CARNMT1: variants seen among roughly 807,000 people sequenced by gnomAD.
The protein encoded by CARNMT1 is protein-L-histidine N-pros-methyltransferase CARNMT1.
CARNMT1 carries 28 observed loss-of-function variants against 49.6 expected under a neutral mutation model. The observed-to-expected ratio is 0.56, with a 90% CI of 0.42 to 0.77. The LOEUF is 0.77. Ranked by LOEUF, CARNMT1 falls within the 30% of genes least tolerant of loss-of-function variation. CARNMT1 has a pLI of 0.00. For missense variants in CARNMT1, 421 were observed against 512.6 expected (o/e 0.82, Z 1.73); for synonymous variants, 178 against 175.0 (o/e 1.02, Z -0.13).
intron 6 of CARNMT1, among the ~76,000 whole-genome samples, chr9:74,987,383 A>C (rs1342776463): frequency 6.6e-6 from 1 of 152,214 alleles, no homozygotes; most frequent in African/African-American, 2.4e-5. Flanking sequence ...GGAATAACCC[A>C]AACGTCCACC....
At chr9:74,991,753 G>A (rs1247154896) in intron 6 of CARNMT1, 3 of 151,980 alleles carry the variant, frequency 2.0e-5, no homozygotes, top group African/African-American at 4.8e-5. Context: ...ACAGCACCTC[G>A]TTTTCCAGAG....
In CARNMT1 at chr9:75,014,451, TTGAATA is replaced by T. The variant is rs1449270686; in HGVS notation, c.590+1811_590+1816del. 3.3e-5 allele frequency among the ~76,000 whole-genome samples: 5 copies of T among 152,174 alleles called. No homozygotes were observed. The East Asian group carries it at 9.6e-4, about 29-fold the overall frequency. ...TATGAACCACAGTAAATTATGAAAC[TTGAATA>T]TAGACTGTAAATTACCTAACAGTAT... On this transcript the variant is annotated intron_variant, in intron 3 of 7. Coordinates refer to ENST00000376834, the MANE Select transcript of CARNMT1 (RefSeq NM_152420.3).
chr9:75,004,908 A>G (rs1388013822), intron 3 of CARNMT1, among the ~76,000 whole-genome samples: 1 of 152,236 alleles, frequency 6.6e-6, no homozygotes, highest in African/African-American at 2.4e-5. Flanking sequence ...TAAAAAATAT[A>G]GTCCAGCAAC....
At position 74,994,915 on chromosome 9, in the gene CARNMT1, C is replaced by A. The variant is rs114840049; in HGVS notation, c.1024+1532G>T. ...TGTTAACCAACATGCTCCATTACTT[C>A]TGATGCCCATGACAGATCATAAGTC... is the stretch of plus-strand genomic sequence containing the variant. On this transcript the variant is annotated intron_variant, in intron 6 of 7. Coordinates refer to ENST00000376834, the MANE Select transcript of CARNMT1 (RefSeq NM_152420.3). Among the ~76,000 whole-genome samples, 1,310 of 152,252 alleles carry A rather than the reference C, an allele frequency of 8.6e-3. 15 individuals are homozygous for A. The highest frequency in any genetic ancestry group is 0.03 in the African/African-American group (1,228 of 41,552).
At chr9:74,996,917 T>C (rs1010757382) in intron 5 of CARNMT1, among the ~76,000 whole-genome samples, 2 of 152,228 alleles carry the variant, frequency 1.3e-5, no homozygotes, top group African/African-American at 4.8e-5. Context: ...TCATTCAAAT[T>C]TAAACTAGTG....
chr9:75,027,948 C>G (rs1416998881), intron 1 of CARNMT1, 64 bp downstream of exon 1: 8 of 1,470,378 alleles, frequency 5.4e-6, no homozygotes, highest in Admixed American at 2.6e-5. Flanking sequence ...CCCGTTCCGG[C>G]GGGTCCGCCG....
intron 6 of CARNMT1, among the ~76,000 whole-genome samples, chr9:74,986,647 T>C (rs757519772): frequency 6.6e-6 from 1 of 152,216 alleles, no homozygotes; most frequent in Non-Finnish European, 1.5e-5. Flanking sequence ...GATTTTTACA[T>C]ACTTAGACCA....
intron 3 of CARNMT1, among the ~76,000 whole-genome samples, chr9:75,008,829 T>C (rs1833597231): frequency 6.6e-6 from 1 of 152,076 alleles, no homozygotes; most frequent in South Asian, 2.1e-4. Context: ...AAACCTGAAA[T>C]TCACAAGAAT....
At chr9:75,024,059 G>T (rs1054363381) in intron 1 of CARNMT1, among the ~76,000 whole-genome samples, 6 of 152,130 alleles carry the variant, frequency 3.9e-5, no homozygotes, top group African/African-American at 2.4e-5. Context: ...TGTCAGCAGT[G>T]ACCTCAACTC....
At chr9:75,011,269 C>T (rs1020930962) in intron 3 of CARNMT1, among the ~76,000 whole-genome samples, 2 of 152,152 alleles carry the variant, frequency 1.3e-5, no homozygotes, top group African/African-American at 4.8e-5. Context: ...GGCAGACAGA[C>T]CCTGTAGTGG....
At chr9:75,002,503 C>G (rs888463915) in intron 3 of CARNMT1, among the ~76,000 whole-genome samples, 2 of 151,990 alleles carry the variant, frequency 1.3e-5, no homozygotes, top group Admixed American at 1.3e-4. Flanking sequence ...AAATGAACAC[C>G]AAATTTAAAG....
At chr9:74,984,319 C>T (rs201854380) in intron 7 of CARNMT1, among the ~76,000 whole-genome samples, 2 of 152,132 alleles carry the variant, frequency 1.3e-5, no homozygotes, top group East Asian at 3.9e-4. Context: ...TTCCCCAGAG[C>T]CTACTCTACT....
At chr9:74,987,604 GACAGC>G (rs1309130920) in intron 6 of CARNMT1, among the ~76,000 whole-genome samples, 1 of 152,098 alleles carries the variant, frequency 6.6e-6, no homozygotes, top group African/African-American at 2.4e-5. Flanking sequence ...CCAAAGTAGT[GACAGC>G]ATGGTATTAG....
chr9:75,008,947 A>T (rs952425324), intron 3 of CARNMT1, among the ~76,000 whole-genome samples: 2 of 152,208 alleles, frequency 1.3e-5, no homozygotes, highest in South Asian at 2.1e-4. Flanking sequence ...TTATGGCATA[A>T]GGACAAACAC....
intron 3 of CARNMT1, among the ~76,000 whole-genome samples, chr9:75,015,409 A>G (rs1412204174): frequency 6.6e-6 from 1 of 152,180 alleles, no homozygotes; most frequent in Non-Finnish European, 1.5e-5. Flanking sequence ...TGCATCACAA[A>G]TTTACTTTTT....
At chr9:75,008,681 C>T (rs1041147978) in intron 3 of CARNMT1, among the ~76,000 whole-genome samples, 3 of 152,276 alleles carry the variant, frequency 2.0e-5, no homozygotes. Context: ...GAAATTAAAG[C>T]TCTAAATAGA....
chr9:74,994,091 A>T (rs1034342274), intron 6 of CARNMT1, among the ~76,000 whole-genome samples: 41 of 152,170 alleles, frequency 2.7e-4, no homozygotes, highest in African/African-American at 9.4e-4. Flanking sequence ...CCTTATAAGA[A>T]GAGACACACC....
At chr9:74,988,028 T>C (rs944938345) in intron 6 of CARNMT1, among the ~76,000 whole-genome samples, 7 of 152,148 alleles carry the variant, frequency 4.6e-5, no homozygotes, top group Admixed American at 4.6e-4. Context: ...AAAGGGTTCT[T>C]TATTTTCTCA....
chr9:75,024,024 CCTCTAA>C (rs1241801860), intron 1 of CARNMT1, among the ~76,000 whole-genome samples: 1 of 152,136 alleles, frequency 6.6e-6, no homozygotes, highest in Non-Finnish European at 1.5e-5. Context: ...GGTATCTCTA[CCTCTAA>C]CTCTCTCTAG....
Sources: gnomAD v4.1 joint callset for allele counts (sites outside exome capture counted in the v4.1 genomes callset) on GRCh38, gnomAD v4.1.1 for gene constraint, MANE v1.5 for transcripts, NCBI Gene and HGNC (gene_info 2026-07-23, HGNC 2026-07-21) for gene names.